The following TICAM1 variants were observed in gnomAD, a reference collection of about 807,000 sequenced individuals.
TICAM1 encodes TIR domain-containing adapter molecule 1.
For synonymous variants in TICAM1, 439 were observed against 415.4 expected, an observed-to-expected ratio of 1.06 and a Z score of -0.69; for missense variants, 895 against 938.2, an observed-to-expected ratio of 0.95 and a Z score of 0.60.
chr19:4,825,661 C>T (rs1490585277), intron 1 of TICAM1, among the ~76,000 whole-genome samples: 1 of 145,986 alleles, frequency 6.8e-6, no homozygotes, highest in Non-Finnish European at 1.5e-5. Context: ...CCCATCTCTA[C>T]AAAAAATAAA....
intron 1 of TICAM1, among the ~76,000 whole-genome samples, chr19:4,821,727 C>T (rs1180206123): frequency 6.6e-6 from 1 of 151,504 alleles, no homozygotes; most frequent in African/African-American, 2.4e-5. Context: ...TCACCGCAAC[C>T]TCCGCCTCCC....
In TICAM1 at chr19:4,816,210, TC is replaced by T; in HGVS notation, c.*28del. On this transcript the variant is annotated 3_prime_UTR_variant, in exon 2 of 2. Transcript: ENST00000248244. The surrounding 1 kb of genome is among the most constrained non-coding windows in gnomAD (Gnocchi z 4.3). ...GGCCGATGCCTGGGTCCAGGGGTGT[TC>T]CCCAGGTGGTCAGGCAAGGACACGC... 6.7e-7 allele frequency: 1 copy of T among 1,492,348 alleles called. No individual in the cohort carries two copies. The highest frequency in any genetic ancestry group is 8.9e-7 in the Non-Finnish European group (1 of 1,126,130). 92.4% of individuals were successfully genotyped at this position (1,492,348 alleles called of 1,614,324 possible).
At chr19:4,819,748 G>A (rs923395180) in intron 1 of TICAM1, among the ~76,000 whole-genome samples, 2 of 152,010 alleles carry the variant, frequency 1.3e-5, no homozygotes, top group Admixed American at 6.6e-5. Flanking sequence ...GGTGGTCCGC[G>A]CCTGTAGTCC....
At chr19:4,831,141 C>A (rs1055714084) in intron 1 of TICAM1, among the ~76,000 whole-genome samples, 1 of 149,858 alleles carries the variant, frequency 6.7e-6, no homozygotes, top group Non-Finnish European at 1.5e-5. Context: ...AGAGAGGGGT[C>A]CTGGGTGTCA....
At chr19:4,826,154 G>A (rs764174043) in intron 1 of TICAM1, among the ~76,000 whole-genome samples, 2 of 151,612 alleles carry the variant, frequency 1.3e-5, no homozygotes, top group African/African-American at 2.4e-5. Context: ...AGAGTGAGAC[G>A]CTGTCTCAAA....
In TICAM1 at chr19:4,816,287, G is replaced by A. The variant is rs756453374; in HGVS notation, c.2091C>T (p.Asn697=). 78 of 1,519,944 alleles carry A rather than the reference G, an allele frequency of 5.1e-5. No homozygotes were observed. The highest frequency in any genetic ancestry group is 1.8e-4 in the Middle Eastern group (1 of 5,570). The allele number at this position is 1,519,944 out of a possible 1,614,324, so 94.2% of individuals were successfully genotyped here. ...CCTCGGGCGCCTGGGACCCTCTCTG[G>A]TTCCACATGTGGTTGTTCAGCCCCA... is the stretch of plus-strand genomic sequence containing the variant. ...VQLGLNNHMW[N]QRGSQAPEDK... The change falls in exon 2 of 2, where the codon AAC becomes AAT. Residue 697 remains asparagine (N), a synonymous_variant. Coordinates refer to ENST00000248244, the MANE Select transcript of TICAM1 (RefSeq NM_182919.4). This position sits in a 1 kb window ranked among gnomAD's most constrained non-coding sequence, Gnocchi z 4.3.
rs565627786 is a variant in TICAM1 at position 4,821,009 on chromosome 19, C to T, written c.-139-2493G>A. 1.4e-3 allele frequency among the ~76,000 whole-genome samples: 199 copies of T among 141,240 alleles called. 2 individuals carry two copies. The highest frequency in any genetic ancestry group is 5.0e-3 in the African/African-American group (185 of 37,008). The allele number at this position is 141,240 out of a possible 152,430, so 92.7% of individuals were successfully genotyped here. ...GAGTTCAAGATCAGCCTGGTCAACA[C>T]GGTGAAACTCCCGTCTCTAGTAAAA... On this transcript the variant is annotated intron_variant, in intron 1 of 1. Coordinates refer to ENST00000248244, the MANE Select transcript of TICAM1 (RefSeq NM_182919.4).
intron 1 of TICAM1, among the ~76,000 whole-genome samples, chr19:4,828,027 AG>A (rs1367064152): frequency 1.3e-5 from 2 of 152,232 alleles, no homozygotes; most frequent in East Asian, 3.9e-4. Flanking sequence ...AGTGTGGAGA[AG>A]GGCCATGCTG....
rs912548534 is a variant in TICAM1 at position 4,816,896 on chromosome 19, G to A, written c.1482C>T (p.Ser494=). ...TGTCGGAGCTGAGCTGGGCCGGGGA[G>A]CTCTCCAGGGGCAGGAAGGGGATGA... The part of the protein sequence containing the change: ...DCVIPFLPLE[S]SPAQLSSDTA... Residue 494 remains serine (S), a synonymous_variant, in exon 2 of 2, where the codon AGC becomes AGT. Transcript: ENST00000248244. This position sits in a 1 kb window ranked among gnomAD's most constrained non-coding sequence, Gnocchi z 4.3. 2.5e-6 allele frequency: 4 copies of A among 1,613,322 alleles called. No individual in the cohort carries two copies. The highest frequency in any genetic ancestry group is 8.5e-7 in the Non-Finnish European group (1 of 1,180,026).
chr19:4,825,091 G>A (rs900838703), intron 1 of TICAM1, among the ~76,000 whole-genome samples: 6 of 151,842 alleles, frequency 4.0e-5, no homozygotes, highest in African/African-American at 1.5e-4. Flanking sequence ...ACCAGCCTGC[G>A]CAACATGGTA....
chr19:4,818,421 G>T lies in TICAM1; in HGVS notation c.-44C>A, dbSNP rs776872423. On this transcript the variant is annotated 5_prime_UTR_variant, in exon 2 of 2. Transcript: ENST00000248244. This position sits in a 1 kb window ranked among gnomAD's most constrained non-coding sequence, Gnocchi z 4.0. The stretch of plus-strand genomic sequence containing the variant: ...CCTCCGGCAGCAGAAGCTGGAGGTG[G>T]TGAAGGCATGTTCCACACTGCCCCC... The T allele has an allele frequency of 6.5e-7, 1 of 1,534,914 alleles. No individual in the cohort carries two copies. Among genetic ancestry groups the T allele is most frequent in the South Asian group, 1.3e-5 (1 of 78,084 alleles).
At position 4,818,005 on chromosome 19, in the gene TICAM1, GGGTGC is replaced by G; in HGVS notation, c.368_372del (p.Arg123ProfsTer15). 6.2e-7 allele frequency: 1 copy of G among 1,612,050 alleles called. No individual in the cohort carries two copies. Among genetic ancestry groups the G allele is most frequent in the Non-Finnish European group, 8.5e-7 (1 of 1,179,924 alleles). On this transcript the variant is annotated frameshift_variant, in exon 2 of 2. Coordinates refer to ENST00000248244, the MANE Select transcript of TICAM1 (RefSeq NM_182919.4). LOFTEE classifies it low-confidence loss of function (END_TRUNC). This position sits in a 1 kb window ranked among gnomAD's most constrained non-coding sequence, Gnocchi z 4.0. ...AGCCGGTGGTCGTCCCTGGAGCTGA[GGGTGC>G]GGACGGCTTCCTGGTAGGCCACGTC... is the stretch of plus-strand genomic sequence containing the variant.
Position 4,816,940 on chromosome 19 carries a change from G to C in TICAM1, c.1438C>G (p.Gln480Glu). 6.2e-7 allele frequency: 1 copy of C among 1,614,000 alleles called. No homozygotes were observed. Among genetic ancestry groups the C allele is most frequent in the Non-Finnish European group, 8.5e-7 (1 of 1,180,038 alleles). Residue 480 changes from glutamine (Q) to glutamate (E), a missense_variant, in exon 2 of 2, where the codon CAG (glutamine) becomes GAG (glutamate). Physicochemically the swap from Gln to Glu is conservative, Grantham distance 29. Transcript: ENST00000248244. The surrounding 1 kb of genome is among the most constrained non-coding windows in gnomAD (Gnocchi z 4.3). The stretch of plus-strand genomic sequence containing the variant: ...GGGATGACACAGTCTGGCGACCCCT[G>C]TCGCGTGAGGTTGCTCATCATGGCT... Reference protein sequence around the residue: ...NQAMMSNLTRQGSPDCVIPFL... With the variant: ...NQAMMSNLTREGSPDCVIPFL...
At chr19:4,822,653 G>C (rs954293704) in intron 1 of TICAM1, among the ~76,000 whole-genome samples, 2 of 152,180 alleles carry the variant, frequency 1.3e-5, no homozygotes, top group African/African-American at 2.4e-5. Flanking sequence ...CAGAGACCAT[G>C]GGGTCTACAA....
At chr19:4,824,166 G>A (rs545452509) in intron 1 of TICAM1, among the ~76,000 whole-genome samples, 17 of 151,964 alleles carry the variant, frequency 1.1e-4, no homozygotes, top group South Asian at 4.2e-4. Context: ...ATGCCACCAC[G>A]CCCAGCTAAT....
rs1362589637 is a variant in TICAM1, at chr19:4,818,576, G to A, written c.-139-60C>T. The stretch of plus-strand genomic sequence containing the variant: ...CCAAGAAAGGTCAGCACGGGAAGGC[G>A]GCCCACACACCCCCGCCTGCTTTCC... On this transcript the variant is annotated intron_variant, in intron 1 of 1. Coordinates refer to ENST00000248244, the MANE Select transcript of TICAM1 (RefSeq NM_182919.4). This position sits in a 1 kb window ranked among gnomAD's most constrained non-coding sequence, Gnocchi z 4.0. 7.6e-6 allele frequency: 9 copies of A among 1,189,508 alleles called. No homozygotes were observed. Among genetic ancestry groups the A allele is most frequent in the East Asian group, 5.8e-5 (2 of 34,196 alleles). 73.7% of individuals were successfully genotyped at this position (1,189,508 alleles called of 1,614,324 possible).
intron 1 of TICAM1, among the ~76,000 whole-genome samples, chr19:4,824,165 C>T (rs1330675310): frequency 4.6e-5 from 7 of 151,700 alleles, no homozygotes; most frequent in East Asian, 3.9e-4. Flanking sequence ...CATGCCACCA[C>T]GCCCAGCTAA....
At chr19:4,819,471 C>T (rs2093593558) in intron 1 of TICAM1, among the ~76,000 whole-genome samples, 1 of 152,128 alleles carries the variant, frequency 6.6e-6, no homozygotes, top group African/African-American at 2.4e-5. Flanking sequence ...AGGCTGTGTG[C>T]CTAATGGCAT....
chr19:4,816,681 A>C lies in TICAM1; in HGVS notation c.1697T>G (p.Leu566Arg). 6.2e-7 allele frequency: 1 copy of C among 1,614,072 alleles called. No homozygotes were observed. Among genetic ancestry groups the C allele is most frequent in the Non-Finnish European group, 8.5e-7 (1 of 1,180,032 alleles). ...GAGGTAGGCTGAGTAGGCTGCGTTC[A>C]GTGCCGCCGCCTGCATCCGCTCACC... ...LDGERMQAAA[L>R]NAAYSAYLQS... The change falls in exon 2 of 2, where the codon CTG becomes CGG. Residue 566 changes from leucine to arginine, a missense_variant. Leu to Arg is a moderately radical substitution (Grantham distance 102). Transcript: ENST00000248244. The surrounding 1 kb of genome is among the most constrained non-coding windows in gnomAD (Gnocchi z 4.3).
Sources: gnomAD v4.1 joint callset for allele counts (sites outside exome capture counted in the v4.1 genomes callset) on GRCh38, gnomAD v4.1.1 for gene constraint, Gnocchi (gnomAD v3.1) non-coding constraint, MANE v1.5 for transcripts, NCBI Gene and HGNC (gene_info 2026-07-23, HGNC 2026-07-21) for gene names.